Variants in RNF19B observed in about 807,000 individuals in gnomAD.
RNF19B encodes E3 ubiquitin-protein ligase RNF19B.
A neutral mutation model predicts 65.5 loss-of-function variants in RNF19B; 23 were observed. The observed-to-expected ratio is 0.35, with a 90% confidence interval of 0.25 to 0.50. The LOEUF (loss-of-function observed/expected upper bound fraction) is 0.50, where lower values mean the gene tolerates loss of function less well. Ranked by LOEUF, RNF19B falls within the 20% of genes least tolerant of loss-of-function variation. The pLI, the probability that RNF19B is intolerant of heterozygous loss-of-function variation, is 0.98. For synonymous variants in RNF19B, 372 were observed against 379.6 expected (o/e 0.98, Z 0.23); for missense variants, 794 against 980.0 (o/e 0.81, Z 2.53).
chr1:32,953,023 G>A lies in RNF19B; in HGVS notation c.636-3249C>T, dbSNP rs531924922. On this transcript the variant is annotated intron_variant, in intron 1 of 8. Transcript: ENST00000235150. ...CACTCTGTTGCCCAGCTTCTGGACAGTGGTGTGATGATAGCTCATTGCAAC... is the reference window on the plus strand; with the variant it reads ...CACTCTGTTGCCCAGCTTCTGGACAATGGTGTGATGATAGCTCATTGCAAC... Among the ~76,000 whole-genome samples, 7 of 143,406 alleles carry A rather than the reference G, an allele frequency of 4.9e-5. No individual in the cohort carries two copies. In the South Asian group the frequency reaches 1.5e-3, roughly 31 times the overall value. The allele number at this position is 143,406 out of a possible 152,430, so 94.1% of individuals were successfully genotyped here.
At chr1:32,949,967 T>A (rs546505461) in intron 1 of RNF19B, among the ~76,000 whole-genome samples, 193 bp from the exon 2 acceptor site, 3 of 150,372 alleles carry the variant, frequency 2.0e-5, no homozygotes, top group Non-Finnish European at 3.0e-5. Flanking sequence ...TGTGAGAAAG[T>A]AAACTTTTTT....
chr1:32,942,053 C>T (rs561046019), intron 7 of RNF19B, among the ~76,000 whole-genome samples, 199 bp downstream of exon 7: 27 of 152,266 alleles, frequency 1.8e-4, no homozygotes, highest in African/African-American at 6.0e-4. Context: ...GCCGAGATCA[C>T]GCCATGGCAC....
chr1:32,962,249 G>A lies in RNF19B; in HGVS notation c.635+1802C>T, dbSNP rs144549022. 1.7e-3 allele frequency among the ~76,000 whole-genome samples: 252 copies of A among 152,270 alleles called. 1 individual carries two copies. The highest frequency in any genetic ancestry group is 5.8e-3 in the African/African-American group (239 of 41,562). ...CTCCCAGAATGCTAGGACTATAGGC[G>A]TGAGCCACCGAGCCTGGCCTGTGTT... On this transcript the variant is annotated intron_variant, in intron 1 of 8. Transcript: ENST00000235150.
chr1:32,963,889 C>T (rs1358751016), intron 1 of RNF19B, among the ~76,000 whole-genome samples, 162 bp downstream of exon 1: 1 of 152,164 alleles, frequency 6.6e-6, no homozygotes, highest in Non-Finnish European at 1.5e-5. Context: ...GTGTCGGGTG[C>T]GTTCACACCA....
At chr1:32,950,374 T>C (rs1298916554) in intron 1 of RNF19B, among the ~76,000 whole-genome samples, 4 of 152,190 alleles carry the variant, frequency 2.6e-5, no homozygotes, top group African/African-American at 7.2e-5. Flanking sequence ...TATTCAATCA[T>C]AGCTGAAGCT....
chr1:32,960,537 G>A (rs1642745479), intron 1 of RNF19B, among the ~76,000 whole-genome samples: 1 of 152,168 alleles, frequency 6.6e-6, no homozygotes, highest in South Asian at 2.1e-4. Flanking sequence ...TCAGGAGGCT[G>A]AGGTGGGAGT....
rs750109761 is a variant in RNF19B, at chr1:32,942,262, T to C, written c.1600A>G (p.Lys534Glu). The C allele has an allele frequency of 1.5e-5, 24 of 1,607,100 alleles. No homozygotes were observed. Among genetic ancestry groups the C allele is most frequent in the Non-Finnish European group, 1.8e-5 (21 of 1,174,194 alleles). The change falls in exon 7 of 9, where the codon AAA becomes GAA. Residue 534 changes from lysine (K) to glutamate (E), a missense_variant. This residue lies in a region of RNF19B where 368 missense variants were observed against 447.3 expected (regional missense o/e 0.82). Coordinates refer to ENST00000235150, the MANE Select transcript of RNF19B (RefSeq NM_001300826.2). ...TATCTATTTGTTTACCTGCTATATT[T>C]TCCCTTGCCACTGGAGAGAATGCCG... is the stretch of plus-strand genomic sequence containing the variant. ...SGGILSSGKG[K>E]YSRLEVQADV...
chr1:32,935,054 T>A (rs889576202), downstream of RNF19B, among the ~76,000 whole-genome samples: 35 of 151,074 alleles, frequency 2.3e-4, no homozygotes, highest in Admixed American at 9.9e-4. Context: ...ATGGTCTTGA[T>A]CTCCTGACCT....
rs993331033 is a variant in RNF19B, at chr1:32,946,552, A to G, written c.996T>C (p.Cys332=). The G allele has an allele frequency of 3.1e-6, 5 of 1,613,918 alleles. No homozygotes were observed. ...TCCATGGCTTCTTGCCCCAGAATGTACAGCCAGAGGGGCTGCAGGGGAAAC... is the reference window on the plus strand; with the variant it reads ...TCCATGGCTTCTTGCCCCAGAATGTGCAGCCAGAGGGGCTGCAGGGGAAAC... The part of the protein sequence containing the change: ...SDLHYLSPSG[C]TFWGKKPWSR... The change falls in exon 4 of 9, where the codon TGT becomes TGC. Residue 332 remains cysteine (C), a synonymous_variant. Coordinates refer to ENST00000235150, the MANE Select transcript of RNF19B (RefSeq NM_001300826.2).
downstream of RNF19B, among the ~76,000 whole-genome samples, chr1:32,936,105 A>G (rs1454749761): frequency 3.3e-5 from 5 of 152,226 alleles, no homozygotes; most frequent in Non-Finnish European, 7.3e-5. Context: ...CCTCTGAAGC[A>G]TATGACTACT....
rs1475961765 is a variant in RNF19B, at chr1:32,949,819, C to T, written c.636-45G>A. On this transcript the variant is annotated intron_variant, in intron 1 of 8. Coordinates refer to ENST00000235150, the MANE Select transcript of RNF19B (RefSeq NM_001300826.2). ...GAGATACCAGTAAGGTAAGAATGAT[C>T]TAACCAAAAGAGACATTATTCATCA... 3 of 1,462,792 alleles carry T rather than the reference C, an allele frequency of 2.1e-6. No homozygotes were observed. The African/African-American group carries it at 4.2e-5, about 20-fold the overall frequency. 90.6% of individuals were successfully genotyped at this position (1,462,792 alleles called of 1,614,324 possible).
chr1:32,933,216 G>A (rs1642048467), downstream of RNF19B, among the ~76,000 whole-genome samples: 1 of 152,086 alleles, frequency 6.6e-6, no homozygotes, highest in Non-Finnish European at 1.5e-5. Context: ...GCTGTATGAA[G>A]AGGAAATTAA....
chr1:32,960,162 G>C (rs1377098955), intron 1 of RNF19B, among the ~76,000 whole-genome samples: 1 of 152,158 alleles, frequency 6.6e-6, no homozygotes, highest in East Asian at 1.9e-4. Flanking sequence ...AAAACTCTTT[G>C]CTCTATCCTA....
At chr1:32,963,535 G>C (rs974381165) in intron 1 of RNF19B, among the ~76,000 whole-genome samples, 1 of 151,988 alleles carries the variant, frequency 6.6e-6, no homozygotes, top group African/African-American at 2.4e-5. Context: ...AGCCAACATG[G>C]TGAAACCCCA....
chr1:32,959,735 G>A (rs774543463), intron 1 of RNF19B, among the ~76,000 whole-genome samples: 1 of 152,036 alleles, frequency 6.6e-6, no homozygotes, highest in South Asian at 2.1e-4. Context: ...ATTGTTCTTA[G>A]TATATTAAAT....
chr1:32,934,563 C>T (rs909885559), downstream of RNF19B, among the ~76,000 whole-genome samples: 7 of 151,942 alleles, frequency 4.6e-5, no homozygotes, highest in African/African-American at 1.4e-4. Flanking sequence ...CACCTGTAAT[C>T]CCAGCTACTT....
downstream of RNF19B, among the ~76,000 whole-genome samples, chr1:32,931,506 T>C (rs1277270907): frequency 1.3e-5 from 2 of 152,154 alleles, no homozygotes; most frequent in Non-Finnish European, 2.9e-5. Context: ...AGTTTGTGAG[T>C]TGACAGCACT....
chr1:32,951,310 C>T (rs896941264), intron 1 of RNF19B, among the ~76,000 whole-genome samples: 6 of 152,236 alleles, frequency 3.9e-5, no homozygotes, highest in African/African-American at 1.4e-4. Flanking sequence ...ATAGCAGTTG[C>T]ACTTCTCCAA....
At chr1:32,944,269 A>G in intron 5 of RNF19B, 110 bp from the exon 6 acceptor site, 1 of 1,254,898 alleles carries the variant, frequency 8.0e-7, no homozygotes, top group East Asian at 2.6e-5. Flanking sequence ...AGGAAGACAG[A>G]AAGTGGCTAT....
Sources: gnomAD v4.1 joint callset for allele counts (sites outside exome capture counted in the v4.1 genomes callset) on GRCh38, gnomAD v4.1.1 for gene constraint, gnomAD v4.1.1 regional missense constraint, MANE v1.5 for transcripts, NCBI Gene and HGNC (gene_info 2026-07-23, HGNC 2026-07-21) for gene names.